Variants in DHRS7B observed in about 807,000 individuals in gnomAD.
DHRS7B encodes the protein dehydrogenase/reductase 7B.
In DHRS7B, 24 loss-of-function variants were observed where a neutral mutation model predicts 26.4. The observed-to-expected ratio is 0.91, with a 90% CI of 0.66 to 1.28. The LOEUF (loss-of-function observed/expected upper bound fraction) is 1.28, where lower values mean the gene tolerates loss of function less well. DHRS7B is among the 50% of genes most tolerant of loss of function. DHRS7B has a pLI of 0.00. For synonymous variants in DHRS7B, 142 were observed against 166.4 expected (o/e 0.85, Z 1.13); for missense variants, 368 against 419.4 (o/e 0.88, Z 1.07).
At chr17:21,165,613 T>G (rs895070961) in intron 1 of DHRS7B, among the ~76,000 whole-genome samples, 3 of 152,122 alleles carry the variant, frequency 2.0e-5, no homozygotes, top group African/African-American at 4.8e-5. Context: ...GTGAGTCAAC[T>G]GCGCCTGATC....
Position 21,190,968 on chromosome 17 carries a change from C to T in DHRS7B, c.793C>T (p.Gln265Ter). 1.2e-6 allele frequency: 2 copies of T among 1,614,244 alleles called. No homozygotes were observed. Among genetic ancestry groups the T allele is most frequent in the East Asian group, 2.2e-5 (1 of 44,890 alleles). ...RYGVMDTTTA[Q>*]GRSPVEVAQD... ...TTTAGTTATGGACACCACCACAGCC[C>T]AGGGCCGAAGCCCTGTGGAGGTGGC... The change falls in exon 7 of 7, where the codon CAG becomes TAG. Residue 265 changes from glutamine to a stop codon, truncating the protein, a stop_gained. Transcript: ENST00000395511. LOFTEE classifies it low-confidence loss of function (END_TRUNC).
chr17:21,168,571 G>A, intron 1 of DHRS7B, among the ~76,000 whole-genome samples: 1 of 152,258 alleles, frequency 6.6e-6, no homozygotes, highest in African/African-American at 2.4e-5. Flanking sequence ...ATTTCACCAT[G>A]TTGCCCGGGC....
chr17:21,163,564 A>G (rs1322172020), intron 1 of DHRS7B, among the ~76,000 whole-genome samples: 5 of 152,230 alleles, frequency 3.3e-5, no homozygotes, highest in Non-Finnish European at 5.9e-5. Context: ...ATGGAAAAGC[A>G]ATATAAATGA....
chr17:21,180,316 A>ACCTG (rs900373429), intron 3 of DHRS7B, among the ~76,000 whole-genome samples: 22 of 149,772 alleles, frequency 1.5e-4, no homozygotes, highest in Admixed American at 4.6e-4. Context: ...CTCATGATCC[A>ACCTG]CCTGCCTCAG....
intron 1 of DHRS7B, among the ~76,000 whole-genome samples, chr17:21,129,030 A>G (rs564416954): frequency 2.0e-5 from 3 of 152,328 alleles, no homozygotes; most frequent in Non-Finnish European, 2.9e-5. Context: ...TCCTTCAGAT[A>G]CTTATTGAAC....
rs187366228 is a variant in DHRS7B, at chr17:21,154,397, A to G, written c.21-17621A>G. 5.9e-3 allele frequency among the ~76,000 whole-genome samples: 896 copies of G among 152,106 alleles called. 6 individuals are homozygous for G. Among genetic ancestry groups the G allele is most frequent in the Non-Finnish European group, 9.0e-3 (614 of 67,982 alleles). ...GAAATATTTAAAGCGTTGAGAGAGG[A>G]AAAAAAACCCACCAACCTGGAATTC... On this transcript the variant is annotated intron_variant, in intron 1 of 6. Coordinates refer to ENST00000395511, the MANE Select transcript of DHRS7B (RefSeq NM_015510.5).
In DHRS7B at chr17:21,183,817, G is replaced by A; in HGVS notation, c.526+7G>A. Reference sequence around the variant, plus strand: ...CCAGTTGCTCTAACGAAAGGTAACAGTCTTGAGAAAAGAGCAGTGATAAGT... The same window carrying A: ...CCAGTTGCTCTAACGAAAGGTAACAATCTTGAGAAAAGAGCAGTGATAAGT... On this transcript the variant is annotated splice_region_variant and intron_variant, in intron 4 of 6. Coordinates refer to ENST00000395511, the MANE Select transcript of DHRS7B (RefSeq NM_015510.5). 2 of 1,612,480 alleles carry A rather than the reference G, an allele frequency of 1.2e-6. No homozygotes were observed. Among genetic ancestry groups the A allele is most frequent in the South Asian group, 1.1e-5 (1 of 91,054 alleles).
chr17:21,173,167 G>A (rs1048881825), intron 2 of DHRS7B, among the ~76,000 whole-genome samples: 3 of 152,242 alleles, frequency 2.0e-5, no homozygotes, highest in South Asian at 2.1e-4. Context: ...GGTCACGGTC[G>A]TCTGTTGTAA....
At chr17:21,187,347 CG>C (rs1974660582) in intron 5 of DHRS7B, among the ~76,000 whole-genome samples, 2 of 151,068 alleles carry the variant, frequency 1.3e-5, no homozygotes, top group Non-Finnish European at 3.0e-5. Context: ...AACAGAAGGC[CG>C]GGTGCGGTGG....
At chr17:21,180,643 C>T (rs75145427) in intron 3 of DHRS7B, among the ~76,000 whole-genome samples, 5 of 151,782 alleles carry the variant, frequency 3.3e-5, no homozygotes, top group South Asian at 2.1e-4. Flanking sequence ...TGGGTTTTCT[C>T]CCCCTTAGAG....
At chr17:21,166,128 C>G (rs540444133) in intron 1 of DHRS7B, 39 of 984,958 alleles carry the variant, frequency 4.0e-5, no homozygotes, top group Admixed American at 1.8e-4. Flanking sequence ...CTTTCTCCGC[C>G]CCCCCTCACA....
intron 3 of DHRS7B, among the ~76,000 whole-genome samples, chr17:21,183,011 G>A (rs890109865): frequency 1.3e-5 from 2 of 152,144 alleles, no homozygotes; most frequent in Non-Finnish European, 1.5e-5. Flanking sequence ...GAAGCCATCC[G>A]GTCCAGGACT....
At chr17:21,189,733 T>TA (rs1974734759) in intron 6 of DHRS7B, among the ~76,000 whole-genome samples, 1 of 152,252 alleles carries the variant, frequency 6.6e-6, no homozygotes, top group African/African-American at 2.4e-5. Context: ...CACCTGTTTA[T>TA]ACCTAGAAGA....
In DHRS7B at chr17:21,127,075, G is replaced by T; in HGVS notation, c.20+84G>T. 5.0e-6 allele frequency: 7 copies of T among 1,398,872 alleles called. 1 individual carries two copies. In the South Asian group the frequency reaches 7.6e-5, roughly 15 times the overall value. 86.7% of individuals were successfully genotyped at this position (1,398,872 alleles called of 1,614,324 possible). A position where few individuals can be genotyped will look rare whatever the true frequency, so the allele number is the denominator to read the frequency against. ...GAGGCGACGCCCCGGCTTGGGTGAGGGGAAGCGGTGTAGTGGTCGAGCTAA... is the reference window on the plus strand; with the variant it reads ...GAGGCGACGCCCCGGCTTGGGTGAGTGGAAGCGGTGTAGTGGTCGAGCTAA... On this transcript the variant is annotated intron_variant, in intron 1 of 6. Coordinates refer to ENST00000395511, the MANE Select transcript of DHRS7B (RefSeq NM_015510.5).
intron 1 of DHRS7B, among the ~76,000 whole-genome samples, chr17:21,145,257 G>T (rs1973616592): frequency 6.6e-6 from 1 of 152,074 alleles, no homozygotes; most frequent in Admixed American, 6.5e-5. Flanking sequence ...CCCGGAGGTG[G>T]AGCTTGGAGT....
At chr17:21,155,378 A>G (rs1455129376) in intron 1 of DHRS7B, among the ~76,000 whole-genome samples, 1 of 152,230 alleles carries the variant, frequency 6.6e-6, no homozygotes, top group Non-Finnish European at 1.5e-5. Context: ...GAGCAAGGAA[A>G]GTTATCAGGG....
chr17:21,143,650 C>A (rs1040858696), intron 1 of DHRS7B, among the ~76,000 whole-genome samples: 1 of 152,050 alleles, frequency 6.6e-6, no homozygotes, highest in Non-Finnish European at 1.5e-5. Flanking sequence ...AGTTTTTTTC[C>A]TCTCATTTTA....
At chr17:21,127,083 G>A (rs1355842588) in intron 1 of DHRS7B, 92 bp downstream of exon 1, 6 of 1,361,914 alleles carry the variant, frequency 4.4e-6, no homozygotes, top group Non-Finnish European at 5.8e-6. Context: ...AGGGGAAGCG[G>A]TGTAGTGGTC....
chr17:21,138,625 A>G (rs1973420761), intron 1 of DHRS7B, among the ~76,000 whole-genome samples: 2 of 152,008 alleles, frequency 1.3e-5, no homozygotes, highest in Non-Finnish European at 2.9e-5. Flanking sequence ...TTCTTACCAC[A>G]CATACAAAAA....
Sources: allele counts gnomAD v4.1 joint callset (sites outside exome capture counted in the v4.1 genomes callset), GRCh38; gene constraint gnomAD v4.1.1; transcripts MANE v1.5; gene names NCBI Gene and HGNC (gene_info 2026-07-23, HGNC 2026-07-21).